ASAP1: variants seen among roughly 807,000 people sequenced by gnomAD.
ASAP1 encodes ArfGAP with SH3 domain, ankyrin repeat and PH domain 1, also known as arf-GAP with SH3 domain, ANK repeat and PH domain-containing protein 1.
Under a neutral mutation model 145.2 loss-of-function variants are expected in ASAP1, and 43 were observed. The ratio of observed to expected loss-of-function variants is 0.30; its 90% CI spans 0.23 to 0.38. The LOEUF (loss-of-function observed/expected upper bound fraction) is 0.38. ASAP1 is among the 10% of genes least tolerant of loss of function. The pLI is 1.00. For synonymous variants in ASAP1, 546 were observed against 515.5 expected (o/e 1.06, Z -0.80); for missense variants, 1,018 against 1,355.3 (o/e 0.75, Z 3.91).
chr8:130,204,649 G>A (rs936801748), intron 5 of ASAP1, among the ~76,000 whole-genome samples: 2 of 152,202 alleles, frequency 1.3e-5, no homozygotes, highest in Non-Finnish European at 2.9e-5. Flanking sequence ...TAGGAAAGCT[G>A]TGAAAAGTAT....
chr8:130,293,511 C>T (rs1822071285), intron 3 of ASAP1, among the ~76,000 whole-genome samples: 1 of 152,196 alleles, frequency 6.6e-6, no homozygotes, highest in African/African-American at 2.4e-5. Flanking sequence ...ACAAGACGTG[C>T]TCAGGCTCAA....
intron 15 of ASAP1, among the ~76,000 whole-genome samples, chr8:130,131,834 A>G (rs2097583638): frequency 6.6e-6 from 1 of 152,142 alleles, no homozygotes; most frequent in South Asian, 2.1e-4. Context: ...AAAATGCGCA[A>G]CTTCAGGGTG....
At chr8:130,357,199 GC>G (rs1244958273) in intron 3 of ASAP1, among the ~76,000 whole-genome samples, 1 of 151,466 alleles carries the variant, frequency 6.6e-6, no homozygotes, top group Non-Finnish European at 1.5e-5. Flanking sequence ...CCTTGGCCCT[GC>G]CCCCCACCCC....
chr8:130,060,730 G>T lies in ASAP1; in HGVS notation c.3041C>A (p.Pro1014His), dbSNP rs199766652. 2.5e-6 allele frequency: 4 copies of T among 1,614,156 alleles called. No individual in the cohort carries two copies. Among genetic ancestry groups the T allele is most frequent in the Middle Eastern group, 1.6e-4 (1 of 6,062 alleles). Residue 1014 changes from proline (P) to histidine (H), a missense_variant, in exon 28 of 30, where the codon CCC becomes CAC. Coordinates refer to ENST00000518721, the MANE Select transcript of ASAP1 (RefSeq NM_018482.4). ...TGDVSPKAQQ[P>H]SEVTLKSHPL... ...GTGTGACTTCAGTGTGACCTCAGAG[G>T]GTTGCTGAGCCTTGGGTGAGACATC...
Position 130,112,301 on chromosome 8 carries a change from G to A in ASAP1, c.2194C>T (p.Arg732Cys), listed in dbSNP as rs1020022002. 1.1e-5 allele frequency: 17 copies of A among 1,613,936 alleles called. No individual in the cohort carries two copies. The highest frequency in any genetic ancestry group is 2.2e-5 in the East Asian group (1 of 44,896). The change falls in exon 24 of 30, where the codon CGC becomes TGC. Residue 732 changes from arginine (R) to cysteine (C), a missense_variant. Physicochemically the swap from Arg to Cys is radical, Grantham distance 180. Around this residue, in one of 9 missense-constraint regions of ASAP1, gnomAD observed 353 missense variants for 375.4 expected, o/e 0.94. Transcript: ENST00000518721. The part of the protein sequence containing the change: ...DDKPSPIKKE[R>C]SPRPQSFCHS... ...CAGAAGCTCTGAGGTCTGGGTGAGC[G>A]CTCTTTCTTGATAGGGCTTGGCTGG...
chr8:130,078,250 A>C (rs2097468947), intron 26 of ASAP1, among the ~76,000 whole-genome samples: 1 of 152,100 alleles, frequency 6.6e-6, no homozygotes, highest in Admixed American at 6.5e-5. Flanking sequence ...TTGGCCTCCC[A>C]AAGTGCTGGG....
intron 11 of ASAP1, chr8:130,160,181 GTC>G: frequency 1.9e-6 from 1 of 525,152 alleles, no homozygotes. Context: ...TGGGGTCTGG[GTC>G]TCTGATTTCT....
chr8:130,349,416 A>T (rs1825871186), intron 3 of ASAP1, among the ~76,000 whole-genome samples: 1 of 152,222 alleles, frequency 6.6e-6, no homozygotes, highest in Non-Finnish European at 1.5e-5. Context: ...GGGCAATAGC[A>T]ACAAGGATAA....
chr8:130,183,261 AT>A (rs34081670), intron 7 of ASAP1, among the ~76,000 whole-genome samples: 30,569 of 149,182 alleles, frequency 0.2, 3,448 homozygotes, highest in East Asian at 0.43. Flanking sequence ...AAGGTATCAG[AT>A]TTTTTTTTTT....
chr8:130,202,683 CCTT>C (rs1815942438), intron 5 of ASAP1, among the ~76,000 whole-genome samples: 1 of 152,162 alleles, frequency 6.6e-6, no homozygotes, highest in Non-Finnish European at 1.5e-5. Context: ...CTCTGTAAAG[CCTT>C]CTTAGATACT....
At chr8:130,395,129 C>T (rs1423075745) in intron 2 of ASAP1, among the ~76,000 whole-genome samples, 2 of 152,204 alleles carry the variant, frequency 1.3e-5, no homozygotes, top group African/African-American at 2.4e-5. Flanking sequence ...TCTCACTTCC[C>T]TGGCAAGAAA....
chr8:130,160,823 G>T lies in ASAP1; in HGVS notation c.910-859C>A, dbSNP rs559862282. On this transcript the variant is annotated intron_variant, in intron 11 of 29. Coordinates refer to ENST00000518721, the MANE Select transcript of ASAP1 (RefSeq NM_018482.4). ...GATCAGGAAGGGCAAAAGAAACAGA[G>T]AAAAAAGGCAGAACATTTGAAAATA... is the stretch of plus-strand genomic sequence containing the variant. The T allele has an allele frequency of 2.9e-4, 372 of 1,275,488 alleles. 1 individual carries two copies. The highest frequency in any genetic ancestry group is 3.6e-4 in the Non-Finnish European group (357 of 981,308). 79.0% of individuals were successfully genotyped at this position (1,275,488 alleles called of 1,614,324 possible). A position where few individuals can be genotyped will look rare whatever the true frequency, so the allele number is the denominator to read the frequency against.
intron 4 of ASAP1, among the ~76,000 whole-genome samples, chr8:130,228,660 CA>C (rs1817725266): frequency 6.7e-6 from 1 of 149,674 alleles, no homozygotes; most frequent in Non-Finnish European, 1.5e-5. Context: ...AAGATCATGC[CA>C]TCGCACTCCA....
chr8:130,074,433 A>G (rs2135255448), intron 27 of ASAP1, among the ~76,000 whole-genome samples: 1 of 144,820 alleles, frequency 6.9e-6, no homozygotes, highest in South Asian at 2.2e-4. Context: ...GAAAATTCCA[A>G]ATAGTAAACA....
intron 7 of ASAP1, 113 bp downstream of exon 7, chr8:130,187,123 A>C (rs773461247): frequency 3.6e-5 from 31 of 863,726 alleles, no homozygotes; most frequent in Non-Finnish European, 5.3e-5. Flanking sequence ...TTTTGTTGAG[A>C]AGTTATTAGT....
intron 25 of ASAP1, among the ~76,000 whole-genome samples, chr8:130,086,709 T>C (rs528434175): frequency 6.6e-6 from 1 of 152,090 alleles, no homozygotes; most frequent in Admixed American, 6.5e-5. Context: ...GAGACTGAGG[T>C]GGGAAGATAG....
chr8:130,272,355 G>T (rs1242580342), intron 3 of ASAP1, among the ~76,000 whole-genome samples: 2 of 152,068 alleles, frequency 1.3e-5, no homozygotes, highest in Admixed American at 1.3e-4. Flanking sequence ...CTATGTTGGC[G>T]AGGACGTGGA....
chr8:130,226,845 A>G (rs1391118423), intron 4 of ASAP1, among the ~76,000 whole-genome samples: 1 of 152,150 alleles, frequency 6.6e-6, no homozygotes, highest in African/African-American at 2.4e-5. Flanking sequence ...GAAATACACA[A>G]TACACTTTGG....
intron 2 of ASAP1, among the ~76,000 whole-genome samples, chr8:130,373,109 TATAC>T (rs111301342): frequency 0.18 from 22,804 of 127,458 alleles, 2,362 homozygotes; most frequent in South Asian, 0.25. Context: ...CAGAAATACA[TATAC>T]ACACACACAC....
Sources: allele counts gnomAD v4.1 joint callset (sites outside exome capture counted in the v4.1 genomes callset), GRCh38; gene constraint gnomAD v4.1.1; regional missense constraint gnomAD v4.1.1; transcripts MANE v1.5; gene names NCBI Gene and HGNC (gene_info 2026-07-23, HGNC 2026-07-21).